Variants in RAB6A observed in about 807,000 individuals in gnomAD.
The protein encoded by RAB6A is ras-related protein Rab-6A.
RAB6A carries 8 observed loss-of-function variants against 32.3 expected under a neutral mutation model. That is an observed-to-expected ratio of 0.25 (90% confidence interval 0.15 to 0.45). The LOEUF (loss-of-function observed/expected upper bound fraction) is 0.45. RAB6A is among the 20% of genes least tolerant of loss of function. The probability of loss-of-function intolerance (pLI) is 1.00; values close to 1 mark genes in which losing one functional copy is unlikely to be tolerated. For missense variants in RAB6A, 104 were observed against 249.4 expected (o/e 0.42, Z 3.93); for synonymous variants, 73 against 82.1 (o/e 0.89, Z 0.60).
rs556789018 is a variant in RAB6A at position 73,706,082 on chromosome 11, A to G, written c.495+1338T>C. Among the ~76,000 whole-genome samples the G allele has an allele frequency of 3.3e-4, 51 of 152,358 alleles. No individual in the cohort carries two copies. The East Asian group carries it at 9.1e-3, about 27-fold the overall frequency. On this transcript the variant is annotated intron_variant, in intron 6 of 7. Transcript: ENST00000336083. ...ATGAGGAAAGAATCAGTGATCATTCAATATTACTTACATTATGATTCAAGG... is the reference window on the plus strand; with the variant it reads ...ATGAGGAAAGAATCAGTGATCATTCGATATTACTTACATTATGATTCAAGG...
In RAB6A at chr11:73,703,138, G is replaced by GA. The variant is rs962284281; in HGVS notation, c.495+4281dup. Among the ~76,000 whole-genome samples the GA allele has an allele frequency of 3.6e-4, 54 of 149,452 alleles. No individual in the cohort carries two copies. In the South Asian group the frequency reaches 4.7e-3, roughly 13 times the overall value. ...TGCCTGGCCTAATTAAAAAAAATTGGAAAAAAAAAATTCAACATGGGTTCA... is the reference window on the plus strand; with the variant it reads ...TGCCTGGCCTAATTAAAAAAAATTGGAAAAAAAAAAATTCAACATGGGTTCA... On this transcript the variant is annotated intron_variant, in intron 6 of 7. Transcript: ENST00000336083.
At chr11:73,679,853 A>AGGCCAAGG in intron 6 of RAB6A, 133 bp from the exon 7 acceptor site, 1 of 1,194,952 alleles carries the variant, frequency 8.4e-7, no homozygotes, top group Non-Finnish European at 1.2e-6. Flanking sequence ...GCACTTTGGG[A>AGGCCAAGG]CCCACCCGAG....
At chr11:73,707,281 A>G in intron 6 of RAB6A, 139 bp downstream of exon 6, 1 of 592,222 alleles carries the variant, frequency 1.7e-6, no homozygotes, top group South Asian at 2.5e-5. Context: ...CCACATTTAT[A>G]TTTTTCACTG....
At chr11:73,735,585 C>T (rs1946380964) in intron 1 of RAB6A, among the ~76,000 whole-genome samples, 1 of 152,066 alleles carries the variant, frequency 6.6e-6, no homozygotes, top group African/African-American at 2.4e-5. Context: ...CTGAAGGAGA[C>T]TTTAGCTAGA....
intron 2 of RAB6A, chr11:73,722,305 G>GTATATA (rs1204770272): frequency 1.2e-4 from 5 of 42,366 alleles, no homozygotes; most frequent in African/African-American, 4.9e-4. Context: ...ATGTGTGTGT[G>GTATATA]TATATATATA....
intron 7 of RAB6A, among the ~76,000 whole-genome samples, chr11:73,679,108 T>TA (rs1945315044): frequency 6.6e-6 from 1 of 152,126 alleles, no homozygotes; most frequent in East Asian, 1.9e-4. Context: ...TATGGCTTAA[T>TA]AAAAATGCCT....
chr11:73,709,936 T>TACAC (rs199652404), intron 5 of RAB6A, among the ~76,000 whole-genome samples: 362 of 100,694 alleles, frequency 3.6e-3, no homozygotes, highest in African/African-American at 0.012. Flanking sequence ...TATATATACA[T>TACAC]ACACACACAC....
chr11:73,722,329 ATATATATATATATATTTTTTTTTTTT>A (rs1337997670), intron 2 of RAB6A: 4 of 15,998 alleles, frequency 2.5e-4, no homozygotes, highest in Admixed American at 1.1e-3. Flanking sequence ...ATATATATAT[ATATATATATATATATTTTTTTTTTTT>A]TTTTTTTTTT....
At chr11:73,757,098 C>CATATATATATATACATACAT (rs1555070080) in intron 1 of RAB6A, among the ~76,000 whole-genome samples, 2 of 37,666 alleles carry the variant, frequency 5.3e-5, no homozygotes, top group African/African-American at 2.3e-4. Context: ...AATATACATA[C>CATATATATATATACATACAT]ATATATATAT....
intron 2 of RAB6A, among the ~76,000 whole-genome samples, chr11:73,724,484 GTTT>G (rs34665371): frequency 1.6e-5 from 2 of 123,352 alleles, no homozygotes; most frequent in Non-Finnish European, 1.7e-5. Flanking sequence ...AATGCATTTC[GTTT>G]TTTTTTTTTT....
intron 1 of RAB6A, among the ~76,000 whole-genome samples, chr11:73,753,441 G>A (rs1434706139): frequency 6.6e-6 from 1 of 151,846 alleles, no homozygotes; most frequent in Non-Finnish European, 1.5e-5. Flanking sequence ...GCCGGGCACA[G>A]TGGCTCATGC....
chr11:73,748,986 G>A (rs760118210), intron 1 of RAB6A, among the ~76,000 whole-genome samples: 4 of 151,996 alleles, frequency 2.6e-5, no homozygotes, highest in Non-Finnish European at 2.9e-5. Context: ...TTAACCAGGC[G>A]TGGCAGCATA....
intron 6 of RAB6A, among the ~76,000 whole-genome samples, chr11:73,681,678 G>A (rs991582585): frequency 9.9e-5 from 15 of 152,098 alleles, no homozygotes; most frequent in Admixed American, 2.6e-4. Context: ...GCGTGGTAGC[G>A]CATGCCCGTA....
intron 5 of RAB6A, among the ~76,000 whole-genome samples, chr11:73,709,437 A>ATATTATTATTAT (rs3046615): frequency 0.027 from 3,741 of 137,044 alleles, 78 homozygotes; most frequent in East Asian, 0.033. Context: ...CTCCTTAAGT[A>ATATTATTATTAT]TATTATTATT....
chr11:73,716,461 G>A, intron 4 of RAB6A, 99 bp from the exon 5 acceptor site: 1 of 748,166 alleles, frequency 1.3e-6, no homozygotes, highest in Non-Finnish European at 2.3e-6. Context: ...GTTGGAAGGG[G>A]GCTGGCACAT....
At chr11:73,712,427 G>A (rs999488840) in intron 5 of RAB6A, among the ~76,000 whole-genome samples, 5 of 150,866 alleles carry the variant, frequency 3.3e-5, no homozygotes, top group Admixed American at 6.6e-5. Context: ...CACAGCTCAC[G>A]GCAACCTCCA....
At chr11:73,703,652 G>A (rs897984257) in intron 6 of RAB6A, among the ~76,000 whole-genome samples, 1 of 152,202 alleles carries the variant, frequency 6.6e-6, no homozygotes. Context: ...TGAGGCATGA[G>A]AATCACTTGA....
At chr11:73,725,062 T>C (rs1268536290) in intron 2 of RAB6A, among the ~76,000 whole-genome samples, 1 of 152,214 alleles carries the variant, frequency 6.6e-6, no homozygotes, top group African/African-American at 2.4e-5. Flanking sequence ...GGAGGGCATT[T>C]ACTGCAGTAT....
chr11:73,749,147 G>A (rs1043561330), intron 1 of RAB6A, among the ~76,000 whole-genome samples: 1 of 152,000 alleles, frequency 6.6e-6, no homozygotes, highest in African/African-American at 2.4e-5. Context: ...AAAAAGAAAT[G>A]TGGTATACAT....
Sources: gnomAD v4.1 joint callset for allele counts (sites outside exome capture counted in the v4.1 genomes callset) on GRCh38, gnomAD v4.1.1 for gene constraint, MANE v1.5 for transcripts, NCBI Gene and HGNC (gene_info 2026-07-23, HGNC 2026-07-21) for gene names.